Variants in DERA observed in about 807,000 individuals in gnomAD.
DERA encodes 2-deoxy-D-ribose 5-phosphate aldolase.
DERA carries 15 observed loss-of-function variants against 41.1 expected under a neutral mutation model. The observed-to-expected ratio is 0.37, with a 90% CI of 0.24 to 0.56. DERA has a LOEUF of 0.56. Ranked by LOEUF, DERA falls within the 20% of genes least tolerant of loss-of-function variation. DERA has a pLI of 0.81. For synonymous variants in DERA, 139 were observed against 137.4 expected (o/e 1.01, Z -0.08); for missense variants, 396 against 403.4 (o/e 0.98, Z 0.16).
intron 1 of DERA, among the ~76,000 whole-genome samples, chr12:15,953,135 G>T (rs922014740): frequency 1.3e-5 from 2 of 152,144 alleles, no homozygotes; most frequent in Non-Finnish European, 2.9e-5. Context: ...ATGCTTTACG[G>T]TGAATCAGAA....
In DERA at chr12:15,988,815, G is replaced by T. The variant is rs1948782957; in HGVS notation, c.637+6379G>T. ...ACGGCACCCAGGCTATTCACACTGA[G>T]GGGCGCCTGCAGACCCACACCAAGC... On this transcript the variant is annotated intron_variant, in intron 6 of 8. Transcript: ENST00000428559. The surrounding 1 kb of genome is among the most constrained non-coding windows in gnomAD (Gnocchi z 6.0). Among the ~76,000 whole-genome samples the T allele has an allele frequency of 6.6e-6, 1 of 152,198 alleles. No individual in the cohort carries two copies. The highest frequency in any genetic ancestry group is 6.5e-5 in the Admixed American group (1 of 15,288).
At chr12:15,937,787 C>T (rs1403430037) in intron 1 of DERA, among the ~76,000 whole-genome samples, 2 of 152,084 alleles carry the variant, frequency 1.3e-5, no homozygotes, top group African/African-American at 4.8e-5. Flanking sequence ...CTTAATTAAT[C>T]TTGGTTAAGT....
rs1274291996 is a variant in DERA at position 16,026,583 on chromosome 12, A to C, written c.638-5959A>C. Among the ~76,000 whole-genome samples the C allele has an allele frequency of 6.7e-6, 1 of 150,112 alleles. No individual in the cohort carries two copies. Among genetic ancestry groups the C allele is most frequent in the African/African-American group, 2.4e-5 (1 of 41,208 alleles). On this transcript the variant is annotated intron_variant, in intron 6 of 8. Transcript: ENST00000428559. This position sits in a 1 kb window ranked among gnomAD's most constrained non-coding sequence, Gnocchi z 4.4. ...TAATGTGACTTTTACATAAATTGTA[A>C]ATATATTTACACATTTATGTAAATA...
Position 16,020,363 on chromosome 12 carries a change from G to T in DERA, c.638-12179G>T, listed in dbSNP as rs1294358777. On this transcript the variant is annotated intron_variant, in intron 6 of 8. Coordinates refer to ENST00000428559, the MANE Select transcript of DERA (RefSeq NM_015954.4). This position sits in a 1 kb window ranked among gnomAD's most constrained non-coding sequence, Gnocchi z 5.5. ...ACTATTGCGAGAACAGCACGAAAGG[G>T]GAAATCTACCCCCATGATCCAATCT... 6.6e-6 allele frequency among the ~76,000 whole-genome samples: 1 copy of T among 152,102 alleles called. No homozygotes were observed. Among genetic ancestry groups the T allele is most frequent in the Non-Finnish European group, 1.5e-5 (1 of 68,038 alleles).
At chr12:16,015,494 A>C (rs895223179) in intron 6 of DERA, among the ~76,000 whole-genome samples, 2 of 152,150 alleles carry the variant, frequency 1.3e-5, no homozygotes, top group African/African-American at 4.8e-5. Context: ...ATCTTCTGTC[A>C]TGATTGCAAG....
rs996437896 is a variant in DERA at position 15,958,311 on chromosome 12, A to G, written c.253A>G (p.Lys85Glu). ...AKYPIREDLL[K>E]ALNMHDKGIT... ...ATACCCAATCCGGGAAGATCTCTTA[A>G]AAGCTTTAAATATGCATGATAAAGG... The change falls in exon 3 of 9, where the codon AAA becomes GAA. Residue 85 changes from lysine to glutamate, a missense_variant. Coordinates refer to ENST00000428559, the MANE Select transcript of DERA (RefSeq NM_015954.4). 2 of 1,604,682 alleles carry G rather than the reference A, an allele frequency of 1.2e-6. No homozygotes were observed.
rs1332629364 is a variant in DERA, at chr12:15,913,085, G to A, written c.31+1671G>A. 6.6e-6 allele frequency among the ~76,000 whole-genome samples: 1 copy of A among 152,204 alleles called. No homozygotes were observed. Among genetic ancestry groups the A allele is most frequent in the Non-Finnish European group, 1.5e-5 (1 of 68,028 alleles). ...ATGTGACTATGCATACATCAAGGAT[G>A]TGCCCTAAATTTCCCAAAACTTAGA... On this transcript the variant is annotated intron_variant, in intron 1 of 8. Transcript: ENST00000428559. The surrounding 1 kb of genome is among the most constrained non-coding windows in gnomAD (Gnocchi z 4.5).
chr12:15,936,886 T>TTGTCTTGTCCTGTCCTGTCCTGTCC lies in DERA; in HGVS notation c.32-20046_32-20045insTTGTCCTGTCCTGTCCTGTCCTGTC, dbSNP rs1351383547. ...TTGTCTTGTCTTGTCTTGTCTTGTC[T>TTGTCTTGTCCTGTCCTGTCCTGTCC]TGTCCTGTCCTGTCCTGTCCTGTCC... On this transcript the variant is annotated intron_variant, in intron 1 of 8. Coordinates refer to ENST00000428559, the MANE Select transcript of DERA (RefSeq NM_015954.4). This position sits in a 1 kb window ranked among gnomAD's most constrained non-coding sequence, Gnocchi z 4.6. Among the ~76,000 whole-genome samples the TTGTCTTGTCCTGTCCTGTCCTGTCC allele has an allele frequency of 8.0e-5, 11 of 136,928 alleles. No individual in the cohort carries two copies. The highest frequency in any genetic ancestry group is 7.0e-3 in the Middle Eastern group (2 of 284). The allele number at this position is 136,928 out of a possible 152,430, so 89.8% of individuals were successfully genotyped here.
intron 6 of DERA, among the ~76,000 whole-genome samples, chr12:16,030,559 G>T (rs1949085763): frequency 6.6e-6 from 1 of 152,098 alleles, no homozygotes; most frequent in Non-Finnish European, 1.5e-5. Context: ...TTTCCTGCTT[G>T]TAATGCTATA....
chr12:16,029,292 G>A (rs994907885), intron 6 of DERA, among the ~76,000 whole-genome samples: 2 of 151,962 alleles, frequency 1.3e-5, no homozygotes, highest in African/African-American at 2.4e-5. Flanking sequence ...GCGTAGTGGC[G>A]GGCGCCTGTA....
At position 15,996,539 on chromosome 12, in the gene DERA, T is replaced by A. The variant is rs1004176918; in HGVS notation, c.637+14103T>A. On this transcript the variant is annotated intron_variant, in intron 6 of 8. Coordinates refer to ENST00000428559, the MANE Select transcript of DERA (RefSeq NM_015954.4). This position sits in a 1 kb window ranked among gnomAD's most constrained non-coding sequence, Gnocchi z 4.7. ...GTGTCTCTGTCTGTGTCTCTTCTCC[T>A]CTTCTTATAAGGAAACCAGTAATGT... Among the ~76,000 whole-genome samples the A allele has an allele frequency of 6.6e-6, 1 of 152,116 alleles. No homozygotes were observed. The highest frequency in any genetic ancestry group is 1.5e-5 in the Non-Finnish European group (1 of 68,024).
At chr12:15,947,923 G>T (rs1359434245) in intron 1 of DERA, among the ~76,000 whole-genome samples, 1 of 152,142 alleles carries the variant, frequency 6.6e-6, no homozygotes, top group African/African-American at 2.4e-5. Context: ...AAATCTCTCA[G>T]CATTTGCTTG....
Position 16,037,339 on chromosome 12 carries a change from G to GA in DERA, c.*599dup, listed in dbSNP as rs1197667751. 2.0e-5 allele frequency: 3 copies of GA among 152,004 alleles called. No individual in the cohort carries two copies. The highest frequency in any genetic ancestry group is 2.9e-5 in the Non-Finnish European group (2 of 68,038). 9.4% of individuals were successfully genotyped at this position (152,004 alleles called of 1,614,324 possible). On this transcript the variant is annotated 3_prime_UTR_variant, in exon 9 of 9. Coordinates refer to ENST00000428559, the MANE Select transcript of DERA (RefSeq NM_015954.4). The surrounding 1 kb of genome is among the most constrained non-coding windows in gnomAD (Gnocchi z 6.7). ...CTTAAAAATTGTTACAATACATAATGAAAAAATAATCCATTAAACATAAAA... is the reference window on the plus strand; with the variant it reads ...CTTAAAAATTGTTACAATACATAATGAAAAAAATAATCCATTAAACATAAAA...
intron 4 of DERA, 85 bp downstream of exon 4, chr12:15,960,009 C>G: frequency 1.0e-6 from 1 of 963,058 alleles, no homozygotes; most frequent in Non-Finnish European, 1.5e-6. Flanking sequence ...TAGGTTTGTA[C>G]TATGATTTAA....
chr12:15,945,494 A>T (rs887935411), intron 1 of DERA, among the ~76,000 whole-genome samples: 2 of 152,132 alleles, frequency 1.3e-5, no homozygotes, highest in African/African-American at 4.8e-5. Flanking sequence ...TTGAAGCAAT[A>T]GTGAATGGGA....
rs1413268613 is a variant in DERA at position 15,915,180 on chromosome 12, G to C, written c.31+3766G>C. On this transcript the variant is annotated intron_variant, in intron 1 of 8. Transcript: ENST00000428559. The surrounding 1 kb of genome is among the most constrained non-coding windows in gnomAD (Gnocchi z 4.8). ...TAGAGCTACAATTAAATGCAAGTGTGATGTGCAATTATTTTTCATTTATTT... is the reference window on the plus strand; with the variant it reads ...TAGAGCTACAATTAAATGCAAGTGTCATGTGCAATTATTTTTCATTTATTT... Among the ~76,000 whole-genome samples, 1 of 152,190 alleles carries C rather than the reference G, an allele frequency of 6.6e-6. No individual in the cohort carries two copies.
chr12:15,977,547 G>A (rs1431280404), intron 5 of DERA, among the ~76,000 whole-genome samples: 1 of 152,190 alleles, frequency 6.6e-6, no homozygotes, highest in Non-Finnish European at 1.5e-5. Context: ...TCGCCTCCCA[G>A]GTTCAAGTGA....
In DERA at chr12:15,911,363, A is replaced by G. The variant is rs555517630; in HGVS notation, c.-21A>G. The G allele has an allele frequency of 4.1e-5, 57 of 1,390,238 alleles. No individual in the cohort carries two copies. The African/African-American group carries it at 7.8e-4, about 19-fold the overall frequency. The allele number at this position is 1,390,238 out of a possible 1,614,324, so 86.1% of individuals were successfully genotyped here. A position where few individuals can be genotyped will look rare whatever the true frequency, so the allele number is the denominator to read the frequency against. On this transcript the variant is annotated 5_prime_UTR_variant, in exon 1 of 9. Coordinates refer to ENST00000428559, the MANE Select transcript of DERA (RefSeq NM_015954.4). This position sits in a 1 kb window ranked among gnomAD's most constrained non-coding sequence, Gnocchi z 4.5. Reference sequence around the variant, plus strand: ...CAGAGGCGGGCGCCTACCAGCCGGCAGCTCCGGAGCTGCCCGCGCCATGTC... The same window carrying G: ...CAGAGGCGGGCGCCTACCAGCCGGCGGCTCCGGAGCTGCCCGCGCCATGTC...
At chr12:15,956,892 A>T in intron 1 of DERA, 44 bp from the exon 2 acceptor site, 1 of 1,381,064 alleles carries the variant, frequency 7.2e-7, no homozygotes, top group Non-Finnish European at 1.0e-6. Flanking sequence ...GACTATATTT[A>T]ATGAAACTTT....
Sources: gnomAD v4.1 joint callset for allele counts (sites outside exome capture counted in the v4.1 genomes callset) on GRCh38, gnomAD v4.1.1 for gene constraint, Gnocchi (gnomAD v3.1) non-coding constraint, MANE v1.5 for transcripts, NCBI Gene and HGNC (gene_info 2026-07-23, HGNC 2026-07-21) for gene names.